FGF13: variants seen among roughly 807,000 people sequenced by gnomAD.
FGF13 encodes fibroblast growth factor 13.
A neutral mutation model predicts 19.5 loss-of-function variants in FGF13; 2 were observed. The ratio of observed to expected loss-of-function variants is 0.10; its 90% CI spans 0.04 to 0.32. The LOEUF is 0.32. Among genes scored for constraint, FGF13 ranks in the 10% least tolerant of loss-of-function variants. The probability of loss-of-function intolerance (pLI) is 1.00; values close to 1 mark genes in which losing one functional copy is unlikely to be tolerated. For synonymous variants in FGF13, 72 were observed against 76.9 expected (o/e 0.94, Z 0.33); for missense variants, 113 against 192.7 (o/e 0.59, Z 2.45).
At chrX:139,002,166 A>G (rs1046047757) in intron 1 of FGF13, among the ~76,000 whole-genome samples, 3 of 110,453 alleles carry the variant, frequency 2.7e-5, no homozygotes, top group Non-Finnish European at 5.7e-5. Context: ...CAGGGAGGGG[A>G]ACATCACATG....
intron 1 of FGF13, among the ~76,000 whole-genome samples, chrX:138,880,699 G>A (rs115945646): frequency 0.059 from 6,632 of 111,812 alleles, 464 homozygotes; most frequent in African/African-American, 0.2. Context: ...TTTCTCCATT[G>A]AATTGACTTA....
intron 1 of FGF13, among the ~76,000 whole-genome samples, chrX:139,115,183 T>C (rs149084519): frequency 4.6e-4 from 51 of 111,439 alleles, no homozygotes; most frequent in African/African-American, 1.5e-3. Flanking sequence ...GCCTTCCCCA[T>C]CTCAGTAAAT....
rs137856018 is a variant in FGF13 at position 138,952,210 on chromosome X, G to T, written c.-112-87560C>A. 4.1e-3 allele frequency among the ~76,000 whole-genome samples: 454 copies of T among 111,329 alleles called. 3 individuals carry two copies. Among genetic ancestry groups the T allele is most frequent in the African/African-American group, 0.014 (432 of 30,609 alleles). The stretch of plus-strand genomic sequence containing the variant: ...GGGCTACAGCAACCAAAACAGCATG[G>T]TACTGGTACCAAAACAGAGATATAC... On this transcript the variant is annotated intron_variant, in intron 1 of 2. Transcript: ENST00000421460.
chrX:139,021,911 C>T (rs2092179596), intron 1 of FGF13, among the ~76,000 whole-genome samples: 1 of 112,041 alleles, frequency 8.9e-6, no homozygotes, highest in Non-Finnish European at 1.9e-5. Flanking sequence ...ACATCGACTT[C>T]ACATTCGATC....
chrX:138,651,721 G>C (rs1258953208), intron 3 of FGF13, among the ~76,000 whole-genome samples: 1 of 110,871 alleles, frequency 9.0e-6, no homozygotes, highest in Non-Finnish European at 1.9e-5. Context: ...GATGGGCTGA[G>C]CTAATTATAC....
chrX:138,765,193 GA>G (rs1569387149), intron 3 of FGF13, among the ~76,000 whole-genome samples: 1 of 112,145 alleles, frequency 8.9e-6, no homozygotes, highest in East Asian at 2.8e-4. Context: ...TCCAGTGAGA[GA>G]AGTAATTATT....
At chrX:139,166,473 G>A (rs2084087103) in intron 1 of FGF13, among the ~76,000 whole-genome samples, 1 of 111,826 alleles carries the variant, frequency 8.9e-6, no homozygotes, top group Admixed American at 9.5e-5. Flanking sequence ...TTAGCAGTGT[G>A]AGAATGGACT....
At chrX:138,917,052 G>A (rs998200996) in intron 1 of FGF13, among the ~76,000 whole-genome samples, 2 of 111,232 alleles carry the variant, frequency 1.8e-5, no homozygotes, top group Non-Finnish European at 3.8e-5. Context: ...TATGTAAGTG[G>A]GTTCATATAA....
At chrX:139,112,398 A>G (rs1221319523) in intron 1 of FGF13, among the ~76,000 whole-genome samples, 1 of 112,073 alleles carries the variant, frequency 8.9e-6, no homozygotes, top group East Asian at 2.8e-4. Flanking sequence ...GATACCATTC[A>G]TATACTATAC....
chrX:139,187,607 C>T (rs972356171), intron 1 of FGF13, among the ~76,000 whole-genome samples: 1 of 111,698 alleles, frequency 9.0e-6, no homozygotes, highest in Non-Finnish European at 1.9e-5. Context: ...AAAAATAAGT[C>T]TTCTACTTAA....
chrX:138,789,383 T>G (rs906629717), intron 3 of FGF13, among the ~76,000 whole-genome samples: 2 of 105,871 alleles, frequency 1.9e-5, no homozygotes, highest in Non-Finnish European at 3.9e-5. Context: ...GGTTTCACCA[T>G]GTTGGCCAGG....
At chrX:139,192,687 C>G (rs781605319) in intron 1 of FGF13, among the ~76,000 whole-genome samples, 5 of 111,343 alleles carry the variant, frequency 4.5e-5, no homozygotes, top group Admixed American at 1.9e-4. Context: ...TGTGGTTAGA[C>G]GTGATGCTGA....
chrX:138,747,976 T>G (rs745653291), intron 3 of FGF13, among the ~76,000 whole-genome samples: 2 of 110,636 alleles, frequency 1.8e-5, no homozygotes, highest in Non-Finnish European at 1.9e-5. Flanking sequence ...GCTTCAGGAA[T>G]AGTAACCTGA....
At chrX:139,047,210 A>G (rs2092290290) in intron 1 of FGF13, among the ~76,000 whole-genome samples, 1 of 111,689 alleles carries the variant, frequency 9.0e-6, no homozygotes, top group African/African-American at 3.3e-5. Flanking sequence ...ATATTTTCTT[A>G]ATGACCTAAA....
At position 138,690,940 on chromosome X, in the gene FGF13, A is replaced by G. The variant is rs759488014; in HGVS notation, c.402+12044T>C. ...TGTATACTATAAATTCCAGACATTG[A>G]CAGTATGAATGGATCAACATGATCA... On this transcript the variant is annotated intron_variant, in intron 3 of 4. Transcript: ENST00000315930. Among the ~76,000 whole-genome samples, 5 of 111,639 alleles carry G rather than the reference A, an allele frequency of 4.5e-5. No individual in the cohort carries two copies. In the East Asian group the frequency reaches 1.4e-3, roughly 32 times the overall value.
At chrX:139,158,211 AT>A (rs34372473) in intron 1 of FGF13, among the ~76,000 whole-genome samples, 96 of 101,619 alleles carry the variant, frequency 9.4e-4, no homozygotes, top group African/African-American at 1.6e-3. Flanking sequence ...TAGCTGCAGC[AT>A]TTTTTTTTTT....
At chrX:138,659,461 G>T (rs1384191443) in intron 3 of FGF13, among the ~76,000 whole-genome samples, 1 of 112,210 alleles carries the variant, frequency 8.9e-6, no homozygotes. Context: ...CTGTTGGTGG[G>T]TGTGTAAATT....
At chrX:138,993,612 C>T (rs1019031250) in intron 1 of FGF13, among the ~76,000 whole-genome samples, 2 of 111,357 alleles carry the variant, frequency 1.8e-5, no homozygotes, top group Admixed American at 1.9e-4. Context: ...TCTAAAAACT[C>T]TTCCCTCATT....
At chrX:139,111,754 G>T (rs2083603945) in intron 1 of FGF13, among the ~76,000 whole-genome samples, 1 of 111,697 alleles carries the variant, frequency 9.0e-6, no homozygotes, top group Non-Finnish European at 1.9e-5. Context: ...AAAATGAACA[G>T]TACATTTAAA....
Sources: gnomAD v4.1 joint callset for allele counts (sites outside exome capture counted in the v4.1 genomes callset) on GRCh38, gnomAD v4.1.1 for gene constraint, MANE v1.5 for transcripts, NCBI Gene and HGNC (gene_info 2026-07-23, HGNC 2026-07-21) for gene names.